The following LRBA variants were observed in gnomAD, a reference collection of about 807,000 sequenced individuals.
LRBA encodes the protein LPS responsive beige-like anchor protein, also known as lipopolysaccharide-responsive and beige-like anchor protein.
Under a neutral mutation model 330.0 loss-of-function variants are expected in LRBA, and 176 were observed. The observed-to-expected ratio is 0.53, with a 90% CI of 0.47 to 0.60. LRBA has a LOEUF of 0.60. Among genes scored for constraint, LRBA ranks in the 20% least tolerant of loss-of-function variants. The pLI, the probability that LRBA is intolerant of heterozygous loss-of-function variation, is 0.00. For synonymous variants in LRBA, 1,230 were observed against 1,193.0 expected, an observed-to-expected ratio of 1.03 and a Z score of -0.64; for missense variants, 3,259 against 3,444.8, an observed-to-expected ratio of 0.95 and a Z score of 1.35.
At chr4:150,735,394 A>G (rs750095029) in intron 35 of LRBA, 28 bp from the exon 36 acceptor site, 1 of 1,335,818 alleles carries the variant, frequency 7.5e-7, no homozygotes, top group Non-Finnish European at 1.1e-6. Flanking sequence ...TATCAAATAA[A>G]TATATGTATA....
Position 150,852,452 on chromosome 4 carries a change from T to G in LRBA, c.3258A>C (p.Ser1086=). The G allele has an allele frequency of 6.2e-7, 1 of 1,613,644 alleles. No homozygotes were observed. The highest frequency in any genetic ancestry group is 8.5e-7 in the Non-Finnish European group (1 of 1,180,006). The part of the protein sequence containing the change: ...SEVTASISSP[S]EEDASEMPEF... Reference sequence around the variant, plus strand: ...CTGGCATCTCTGAGGCATCCTCTTCTGAAGGAGAACTTATAGAAGCAGTTA... The same window carrying G: ...CTGGCATCTCTGAGGCATCCTCTTCGGAAGGAGAACTTATAGAAGCAGTTA... Residue 1086 remains serine (S), a synonymous_variant, in exon 23 of 57, where the codon TCA becomes TCC. Coordinates refer to ENST00000651943, the MANE Select transcript of LRBA (RefSeq NM_001364905.1).
intron 4 of LRBA, among the ~76,000 whole-genome samples, chr4:150,923,245 G>A (rs1733514541): frequency 6.7e-6 from 1 of 150,076 alleles, no homozygotes; most frequent in Non-Finnish European, 1.5e-5. Context: ...CCTTTAACAT[G>A]GACTATAAGA....
At chr4:150,675,254 A>C (rs1307202061) in intron 37 of LRBA, among the ~76,000 whole-genome samples, 1 of 152,174 alleles carries the variant, frequency 6.6e-6, no homozygotes, top group Admixed American at 6.5e-5. Flanking sequence ...CAGGCTCTAG[A>C]GTCAGAATGC....
intron 40 of LRBA, chr4:150,584,197 C>CA: frequency 7.3e-7 from 1 of 1,379,178 alleles, no homozygotes; most frequent in Non-Finnish European, 9.5e-7. Flanking sequence ...ACTCTGGACA[C>CA]AAACTTTTAT....
At chr4:150,917,233 A>G (rs965772462) in intron 5 of LRBA, among the ~76,000 whole-genome samples, 1 of 152,072 alleles carries the variant, frequency 6.6e-6, no homozygotes, top group Non-Finnish European at 1.5e-5. Flanking sequence ...ACTTTTAGTA[A>G]CTTTTTAATT....
chr4:150,397,209 G>A (rs1476905609), intron 47 of LRBA, among the ~76,000 whole-genome samples: 1 of 152,070 alleles, frequency 6.6e-6, no homozygotes, highest in Non-Finnish European at 1.5e-5. Context: ...CTGATGAAAA[G>A]TGAAAAATGA....
In LRBA at chr4:151,014,590, C is replaced by A. The variant is rs749860824; in HGVS notation, c.53G>T (p.Gly18Val). ...VPSPPPTGDD[G>V]GGGGREETPT... The stretch of plus-strand genomic sequence containing the variant: ...GGTTTCTTCTCTCCCTCCACCTCCC[C>A]CGTCATCACCTGTTGGTGGCGGGGA... Residue 18 changes from glycine to valine, a missense_variant, in exon 2 of 57, where the codon GGG becomes GTG. Transcript: ENST00000651943. 16 of 1,611,548 alleles carry A rather than the reference C, an allele frequency of 9.9e-6. No individual in the cohort carries two copies. Among genetic ancestry groups the A allele is most frequent in the Non-Finnish European group, 1.4e-5 (16 of 1,178,818 alleles).
chr4:150,928,703 A>G (rs1464786041), intron 3 of LRBA, 87 bp from the exon 4 acceptor site: 1 of 1,277,058 alleles, frequency 7.8e-7, no homozygotes, highest in Non-Finnish European at 1.1e-6. Context: ...AAGGGCTTGG[A>G]CACTAAAGTT....
At chr4:150,428,812 ATC>A (rs1366702832) in intron 46 of LRBA, among the ~76,000 whole-genome samples, 3 of 152,114 alleles carry the variant, frequency 2.0e-5, no homozygotes, top group Non-Finnish European at 4.4e-5. Context: ...GCCTTTCAGA[ATC>A]TCTGTTTCTA....
In LRBA at chr4:150,828,415, A is replaced by T. The variant is rs1452498490; in HGVS notation, c.4936T>A (p.Leu1646Ile). The change falls in exon 30 of 57, where the codon TTA becomes ATA. Residue 1646 changes from leucine to isoleucine, a missense_variant. Coordinates refer to ENST00000651943, the MANE Select transcript of LRBA (RefSeq NM_001364905.1). ...AISEVLSTLS[L>I]EVNKSPETKN... Reference sequence around the variant, plus strand: ...GTTTCCGGAGACTTATTGACTTCTAAAGAAAGAGTAGATAGCACCTCGCTG... The same window carrying T: ...GTTTCCGGAGACTTATTGACTTCTATAGAAAGAGTAGATAGCACCTCGCTG... 1 of 1,614,102 alleles carries T rather than the reference A, an allele frequency of 6.2e-7. No homozygotes were observed. The highest frequency in any genetic ancestry group is 1.1e-5 in the South Asian group (1 of 91,078).
chr4:150,314,710 T>C (rs1440984157), intron 51 of LRBA: 9 of 152,140 alleles, frequency 5.9e-5, no homozygotes, highest in South Asian at 2.1e-4. Flanking sequence ...AGTTATTAAA[T>C]AACATCTTCA....
intron 18 of LRBA, among the ~76,000 whole-genome samples, chr4:150,872,353 AC>A (rs1753537700): frequency 6.6e-6 from 1 of 152,216 alleles, no homozygotes; most frequent in Admixed American, 6.5e-5. Context: ...ACTTTATAAT[AC>A]AGATAAAGCA....
chr4:150,849,648 G>A lies in LRBA; in HGVS notation c.4005-73C>T, dbSNP rs985927507. On this transcript the variant is annotated intron_variant, in intron 24 of 56. Transcript: ENST00000651943. ...TCACAGTTTGCCTACTTGAGGGGAG[G>A]AAAGATAAGAAGGTGCTTTTGCTTC... is the stretch of plus-strand genomic sequence containing the variant. 4 of 1,204,990 alleles carry A rather than the reference G, an allele frequency of 3.3e-6. No individual in the cohort carries two copies. In the East Asian group the frequency reaches 9.4e-5, roughly 28 times the overall value. The allele number at this position is 1,204,990 out of a possible 1,614,324, so 74.6% of individuals were successfully genotyped here.
At chr4:150,627,215 G>A (rs1033059239) in intron 37 of LRBA, among the ~76,000 whole-genome samples, 1 of 151,934 alleles carries the variant, frequency 6.6e-6, no homozygotes, top group Non-Finnish European at 1.5e-5. Context: ...ACTGTGTGCT[G>A]AAAATTAATA....
At chr4:150,366,653 C>A (rs1463271000) in intron 47 of LRBA, among the ~76,000 whole-genome samples, 1 of 152,102 alleles carries the variant, frequency 6.6e-6, no homozygotes, top group Non-Finnish European at 1.5e-5. Flanking sequence ...GCCTCAAGTA[C>A]CCTGCAGTGG....
intron 51 of LRBA, among the ~76,000 whole-genome samples, chr4:150,312,549 A>G (rs1580981003): frequency 6.6e-6 from 1 of 152,060 alleles, no homozygotes; most frequent in Admixed American, 6.6e-5. Flanking sequence ...CTTGCCCCCA[A>G]TAAAGGGACA....
intron 35 of LRBA, among the ~76,000 whole-genome samples, chr4:150,744,990 A>G (rs1422680602): frequency 2.0e-5 from 3 of 152,204 alleles, no homozygotes; most frequent in Non-Finnish European, 4.4e-5. Context: ...GTAAGTGGCT[A>G]TGTGTGACCA....
chr4:150,572,087 G>A (rs559850854), intron 40 of LRBA, among the ~76,000 whole-genome samples: 108 of 152,004 alleles, frequency 7.1e-4, no homozygotes, highest in Non-Finnish European at 1.3e-3. Flanking sequence ...GTGTTTACAT[G>A]AGCATAAATT....
At chr4:150,592,373 T>C (rs9647491) in intron 38 of LRBA, among the ~76,000 whole-genome samples, 1 of 148,458 alleles carries the variant, frequency 6.7e-6, no homozygotes, top group Non-Finnish European at 1.5e-5. Context: ...AGGTAAAAGG[T>C]TTTTTTTTTC....
Sources: gnomAD v4.1 joint callset for allele counts (sites outside exome capture counted in the v4.1 genomes callset) on GRCh38, gnomAD v4.1.1 for gene constraint, MANE v1.5 for transcripts, NCBI Gene and HGNC (gene_info 2026-07-23, HGNC 2026-07-21) for gene names.